Variants in LGR5 observed in about 807,000 individuals in gnomAD.
LGR5 encodes the protein leucine-rich repeat-containing G protein-coupled receptor 5.
A neutral mutation model predicts 76.7 loss-of-function variants in LGR5; 54 were observed. The ratio of observed to expected loss-of-function variants is 0.70; its 90% CI spans 0.57 to 0.88. The LOEUF is 0.88. Among genes scored for constraint, LGR5 ranks in the 40% least tolerant of loss-of-function variants. LGR5 has a pLI of 0.00. For missense variants in LGR5, 1,078 were observed against 1,073.3 expected (o/e 1.00, Z -0.06); for synonymous variants, 406 against 421.9 (o/e 0.96, Z 0.46).
intron 3 of LGR5, among the ~76,000 whole-genome samples, chr12:71,533,525 C>T (rs547414601): frequency 1.3e-5 from 2 of 152,288 alleles, no homozygotes; most frequent in East Asian, 3.9e-4. Flanking sequence ...TGGGGCCCAG[C>T]ATTCTGTTTT....
chr12:71,459,077 A>G (rs111291690), intron 1 of LGR5, among the ~76,000 whole-genome samples: 6,115 of 152,158 alleles, frequency 0.04, 188 homozygotes, highest in Non-Finnish European at 0.061. Context: ...TACTTCTAAT[A>G]TATAGCATGA....
At chr12:71,461,741 C>T (rs4363710) in intron 1 of LGR5, among the ~76,000 whole-genome samples, 116,747 of 151,954 alleles carry the variant, frequency 0.77, 44,958 homozygotes, top group Middle Eastern at 0.84. Context: ...TGAAATCAGC[C>T]TGCCACCTCC....
intron 1 of LGR5, among the ~76,000 whole-genome samples, chr12:71,485,440 G>C (rs1873784446): frequency 6.6e-6 from 1 of 152,170 alleles, no homozygotes; most frequent in African/African-American, 2.4e-5. Context: ...TTTGGGGCTA[G>C]GTACAGTGGC....
Position 71,440,265 on chromosome 12 carries a change from C to T in LGR5, c.185C>T (p.Ser62Phe), listed in dbSNP as rs779176913. 1.2e-6 allele frequency: 2 copies of T among 1,612,548 alleles called. No individual in the cohort carries two copies. Among genetic ancestry groups the T allele is most frequent in the South Asian group, 2.2e-5 (2 of 91,070 alleles). ...CSDLGLSELP[S>F]NLSVFTSYLD... ...GACCTGGGGCTCTCGGAGCTGCCTT[C>T]CAACCTCAGCGTCTTCACCTCCTAC... Residue 62 changes from serine (S) to phenylalanine (F), a missense_variant, in exon 1 of 18, where the codon TCC becomes TTC. Ser to Phe is a radical substitution (Grantham distance 155). Coordinates refer to ENST00000266674, the MANE Select transcript of LGR5 (RefSeq NM_003667.4). The surrounding 1 kb of genome is among the most constrained non-coding windows in gnomAD (Gnocchi z 5.3).
intron 11 of LGR5, among the ~76,000 whole-genome samples, chr12:71,568,003 G>C (rs1160874040): frequency 1.3e-5 from 2 of 152,120 alleles, no homozygotes; most frequent in African/African-American, 2.4e-5. Context: ...GTGTATATCA[G>C]GTGGTAGAAA....
At chr12:71,577,436 G>A (rs192263620) in intron 13 of LGR5, among the ~76,000 whole-genome samples, 3 of 152,094 alleles carry the variant, frequency 2.0e-5, no homozygotes, top group African/African-American at 7.2e-5. Flanking sequence ...TTACTTGTCA[G>A]TATCCTTCCT....
intron 1 of LGR5, among the ~76,000 whole-genome samples, chr12:71,468,709 CTTTTTTTTTTT>C (rs538254378): frequency 4.3e-5 from 3 of 70,064 alleles, no homozygotes; most frequent in African/African-American, 1.8e-4. Flanking sequence ...GTGGTAGCCT[CTTTTTTTTTTT>C]TTTTTTTTTT....
At chr12:71,538,893 A>C (rs1318287154) in intron 4 of LGR5, among the ~76,000 whole-genome samples, 2 of 152,196 alleles carry the variant, frequency 1.3e-5, no homozygotes, top group Non-Finnish European at 2.9e-5. Context: ...AAATAATAAC[A>C]AAATCCATAC....
At chr12:71,522,959 G>A (rs1252382633) in intron 2 of LGR5, among the ~76,000 whole-genome samples, 1 of 152,172 alleles carries the variant, frequency 6.6e-6, no homozygotes, top group African/African-American at 2.4e-5. Flanking sequence ...TCTTGGAGAG[G>A]TCCTAGGACC....
intron 8 of LGR5, among the ~76,000 whole-genome samples, chr12:71,564,966 T>G (rs1234899294): frequency 1.3e-5 from 2 of 150,876 alleles, no homozygotes; most frequent in Non-Finnish European, 2.9e-5. Flanking sequence ...TATACGTATG[T>G]GTGTATATAT....
intron 2 of LGR5, among the ~76,000 whole-genome samples, chr12:71,523,076 A>G (rs2137339516): frequency 6.6e-6 from 1 of 152,354 alleles, no homozygotes; most frequent in Non-Finnish European, 1.5e-5. Flanking sequence ...CATACCACAA[A>G]TACTACTCAG....
rs1439246524 is a variant in LGR5, at chr12:71,439,910, C to A, written c.-171C>A. The A allele has an allele frequency of 8.6e-5, 51 of 591,600 alleles. No individual in the cohort carries two copies. The highest frequency in any genetic ancestry group is 1.4e-4 in the Non-Finnish European group (50 of 350,984). The allele number at this position is 591,600 out of a possible 1,614,324, so 36.6% of individuals were successfully genotyped here. A position where few individuals can be genotyped will look rare whatever the true frequency, so the allele number is the denominator to read the frequency against. The stretch of plus-strand genomic sequence containing the variant: ...CGGCAACCGGCACCTCTGTCCCCGC[C>A]GCGCTTCTCCTCGCCGCCCACGCCG... On this transcript the variant is annotated 5_prime_UTR_variant, in exon 1 of 18. Coordinates refer to ENST00000266674, the MANE Select transcript of LGR5 (RefSeq NM_003667.4).
intron 1 of LGR5, among the ~76,000 whole-genome samples, chr12:71,472,266 G>A (rs1443123434): frequency 2.0e-5 from 3 of 152,110 alleles, no homozygotes; most frequent in Non-Finnish European, 4.4e-5. Flanking sequence ...ATGACAAAAT[G>A]CATGCATATA....
chr12:71,572,374 G>A (rs1050823863), intron 12 of LGR5, among the ~76,000 whole-genome samples: 4 of 152,120 alleles, frequency 2.6e-5, no homozygotes, highest in Non-Finnish European at 2.9e-5. Context: ...GAGCCACCGC[G>A]CCCGGCCAAA....
chr12:71,538,323 G>C (rs904027046), intron 4 of LGR5, among the ~76,000 whole-genome samples: 2 of 152,006 alleles, frequency 1.3e-5, no homozygotes, highest in African/African-American at 4.8e-5. Flanking sequence ...GACCAGCTTG[G>C]ACAACATAGT....
intron 1 of LGR5, among the ~76,000 whole-genome samples, chr12:71,465,779 G>C (rs546008971): frequency 6.6e-6 from 1 of 152,268 alleles, no homozygotes; most frequent in South Asian, 2.1e-4. Context: ...TGATTAACTG[G>C]AAATGAGAAA....
chr12:71,494,209 G>A (rs1057277000), intron 1 of LGR5, among the ~76,000 whole-genome samples: 2 of 150,790 alleles, frequency 1.3e-5, no homozygotes, highest in Admixed American at 6.6e-5. Context: ...GCCTCCCAAA[G>A]TGCTGGGATT....
intron 17 of LGR5, 149 bp from the exon 18 acceptor site, chr12:71,583,498 T>C (rs1879178392): frequency 1.3e-5 from 11 of 847,144 alleles, no homozygotes; most frequent in South Asian, 1.7e-5. Context: ...TGGCTTGAGA[T>C]AGTGGAGCAT....
intron 1 of LGR5, among the ~76,000 whole-genome samples, chr12:71,466,141 C>G (rs896385274): frequency 6.6e-6 from 1 of 152,170 alleles, no homozygotes; most frequent in Non-Finnish European, 1.5e-5. Context: ...AGACAAACTG[C>G]TATGAGGATT....
Sources: gnomAD v4.1 joint callset for allele counts (sites outside exome capture counted in the v4.1 genomes callset) on GRCh38, gnomAD v4.1.1 for gene constraint, Gnocchi (gnomAD v3.1) non-coding constraint, MANE v1.5 for transcripts, NCBI Gene and HGNC (gene_info 2026-07-23, HGNC 2026-07-21) for gene names.